The following MICAL2 variants were observed in gnomAD, a reference collection of about 807,000 sequenced individuals.
MICAL2 encodes the protein microtubule associated monooxygenase, calponin and LIM domain containing 2, also known as [F-actin]-monooxygenase MICAL2.
In MICAL2, 77 loss-of-function variants were observed where a neutral mutation model predicts 127.3. The observed-to-expected ratio is 0.60, with a 90% CI of 0.50 to 0.73. The LOEUF is 0.73. Among genes scored for constraint, MICAL2 ranks in the 30% least tolerant of loss-of-function variants. MICAL2 has a pLI of 0.00. For missense variants in MICAL2, 1,351 were observed against 1,434.4 expected (o/e 0.94, Z 0.94); for synonymous variants, 570 against 551.1 (o/e 1.03, Z -0.48).
downstream of MICAL2, among the ~76,000 whole-genome samples, chr11:12,361,904 T>C (rs1306221631): frequency 1.3e-5 from 2 of 152,166 alleles, no homozygotes; most frequent in Admixed American, 1.3e-4. Flanking sequence ...GGGCAGTCAT[T>C]GGATGTGGTG....
chr11:12,159,913 C>T (rs191349626), intron 2 of MICAL2, among the ~76,000 whole-genome samples: 30 of 152,300 alleles, frequency 2.0e-4, no homozygotes, highest in African/African-American at 5.3e-4. Flanking sequence ...AAGGAATCCA[C>T]GCTTGTCGCA....
intron 32 of MICAL2, among the ~76,000 whole-genome samples, chr11:12,330,170 C>T (rs1317855394): frequency 6.6e-6 from 1 of 152,178 alleles, no homozygotes; most frequent in Non-Finnish European, 1.5e-5. Flanking sequence ...TTAATATACT[C>T]TAACTTGTAA....
At chr11:12,226,458 C>T (rs1483794302) in intron 14 of MICAL2, 88 bp downstream of exon 14, 2 of 1,369,522 alleles carry the variant, frequency 1.5e-6, no homozygotes, top group African/African-American at 1.4e-5. Context: ...ACTGTATGGT[C>T]TGTTCTGGGG....
In MICAL2 at chr11:12,142,034, C is replaced by T. The variant is rs147062280; in HGVS notation, c.-78+3574C>T. On this transcript the variant is annotated intron_variant, in intron 2 of 27. Coordinates refer to ENST00000683283, the MANE Select transcript of MICAL2 (RefSeq NM_001282663.2). The stretch of plus-strand genomic sequence containing the variant: ...AGACATGACTCAAGCACACCCATAG[C>T]GCAAGCTGGTGGTAGAAGTGAGACA... Among the ~76,000 whole-genome samples, 771 of 152,330 alleles carry T rather than the reference C, an allele frequency of 5.1e-3. 6 individuals are homozygous for T. The highest frequency in any genetic ancestry group is 0.018 in the African/African-American group (742 of 41,570).
intron 3 of MICAL2, among the ~76,000 whole-genome samples, chr11:12,194,707 C>CAGAT: frequency 6.6e-6 from 1 of 152,144 alleles, no homozygotes; most frequent in East Asian, 1.9e-4. Flanking sequence ...GATCGCTGGC[C>CAGAT]AGATCCAGGC....
intron 32 of MICAL2, among the ~76,000 whole-genome samples, chr11:12,349,266 C>G (rs1242072800): frequency 6.6e-6 from 1 of 152,164 alleles, no homozygotes; most frequent in Non-Finnish European, 1.5e-5. Flanking sequence ...ATGGATATAA[C>G]TTTTCCCCCA....
At chr11:12,305,027 A>G (rs1296489840) in intron 29 of MICAL2, among the ~76,000 whole-genome samples, 1 of 152,152 alleles carries the variant, frequency 6.6e-6, no homozygotes, top group South Asian at 2.1e-4. Context: ...CGTCTTTGCA[A>G]TACAGTAGTG....
At chr11:12,276,057 G>A (rs1863719573), upstream of MICAL2, 4 of 399,082 alleles carry the variant, frequency 1.0e-5, 1 homozygote, top group South Asian at 3.8e-4. Flanking sequence ...AGGGGACGCT[G>A]CCTCTCCCCT....
At chr11:12,271,473 C>T (rs560959562), upstream of MICAL2, among the ~76,000 whole-genome samples, 12 of 152,282 alleles carry the variant, frequency 7.9e-5, no homozygotes, top group East Asian at 3.9e-4. Context: ...GGCCCAGCTG[C>T]GGTGATACCC....
At position 12,208,280 on chromosome 11, in the gene MICAL2, TG is replaced by T. The variant is rs1245167812; in HGVS notation, c.589+142del. On this transcript the variant is annotated intron_variant, in intron 5 of 27. Coordinates refer to ENST00000683283, the MANE Select transcript of MICAL2 (RefSeq NM_001282663.2). Reference sequence around the variant, plus strand: ...ATAATGCCACTGAAGGGTATTTTACTGTTTTTTTTTTACCATTGCTATGACT... The same window carrying T: ...ATAATGCCACTGAAGGGTATTTTACTTTTTTTTTTTACCATTGCTATGACT... 375 of 587,960 alleles carry T rather than the reference TG, an allele frequency of 6.4e-4. 2 individuals are homozygous for T. In the African/African-American group the frequency reaches 9.3e-3, roughly 15 times the overall value. The allele number at this position is 587,960 out of a possible 1,614,324, so 36.4% of individuals were successfully genotyped here. A position where few individuals can be genotyped will look rare whatever the true frequency, so the allele number is the denominator to read the frequency against.
At chr11:12,292,144 T>TGAAAC, downstream of MICAL2, 2 of 1,613,586 alleles carry the variant, frequency 1.2e-6, no homozygotes, top group East Asian at 4.5e-5. Flanking sequence ...CCTTGGTAGG[T>TGAAAC]TTGACGCCAG....
At chr11:12,300,156 A>G (rs565955281) in intron 29 of MICAL2, among the ~76,000 whole-genome samples, 1 of 152,214 alleles carries the variant, frequency 6.6e-6, no homozygotes, top group South Asian at 2.1e-4. Context: ...TTATCTGGGC[A>G]TGGTGGCAGG....
chr11:12,339,365 A>C (rs995242236), intron 32 of MICAL2, among the ~76,000 whole-genome samples: 2 of 152,006 alleles, frequency 1.3e-5, no homozygotes, highest in African/African-American at 4.8e-5. Context: ...TTTTTTTTCA[A>C]GGTTTTTAAC....
intron 32 of MICAL2, among the ~76,000 whole-genome samples, chr11:12,347,339 T>C (rs1337468629): frequency 6.6e-6 from 1 of 152,262 alleles, no homozygotes; most frequent in African/African-American, 2.4e-5. Context: ...TTTGAGTCCC[T>C]GTGATCCAAA....
intron 20 of MICAL2, 94 bp from the exon 21 acceptor site, chr11:12,243,893 G>C: frequency 6.8e-7 from 1 of 1,466,932 alleles, no homozygotes. Context: ...TTGCCTTCTT[G>C]AGTGCACAGG....
chr11:12,304,205 C>A (rs182181865), intron 29 of MICAL2, among the ~76,000 whole-genome samples: 35 of 152,092 alleles, frequency 2.3e-4, no homozygotes, highest in African/African-American at 8.0e-4. Context: ...GTTACAGAAG[C>A]CTTATTATTT....
intron 2 of MICAL2, chr11:12,153,305 C>G (rs1443251716): frequency 6.6e-6 from 1 of 152,222 alleles, no homozygotes; most frequent in Non-Finnish European, 1.5e-5. Context: ...TCCCAAAGAG[C>G]AGGAATTACA....
chr11:12,117,768 A>T (rs911320383), intron 1 of MICAL2, among the ~76,000 whole-genome samples: 1 of 152,210 alleles, frequency 6.6e-6, no homozygotes, highest in Non-Finnish European at 1.5e-5. Flanking sequence ...GGCTTTGCAC[A>T]ATCTGATGCA....
chr11:12,292,288 C>G (rs1446406769), downstream of MICAL2: 2 of 1,614,138 alleles, frequency 1.2e-6, no homozygotes, highest in Non-Finnish European at 1.7e-6. Flanking sequence ...ATGGTTCCTC[C>G]CCGCCTCAGG....
Sources: allele counts gnomAD v4.1 joint callset (sites outside exome capture counted in the v4.1 genomes callset), GRCh38; gene constraint gnomAD v4.1.1; transcripts MANE v1.5; gene names NCBI Gene and HGNC (gene_info 2026-07-23, HGNC 2026-07-21).